Variants in DIPK1C observed in about 807,000 individuals in gnomAD.
The protein encoded by DIPK1C is familial non-conventional Alzheimer's dementia.
Under a neutral mutation model 28.0 loss-of-function variants are expected in DIPK1C, and 33 were observed. The ratio of observed to expected loss-of-function variants is 1.18; its 90% CI spans 0.89 to 1.58. The LOEUF (loss-of-function observed/expected upper bound fraction) is 1.58, where lower values mean the gene tolerates loss of function less well. DIPK1C is among the 40% of genes most tolerant of loss of function. DIPK1C has a pLI of 0.00. For synonymous variants in DIPK1C, 255 were observed against 248.8 expected (o/e 1.02, Z -0.23); for missense variants, 569 against 568.5 (o/e 1.00, Z -0.01).
At chr18:74,450,389 G>T (rs978942640) in intron 1 of DIPK1C, among the ~76,000 whole-genome samples, 4 of 152,186 alleles carry the variant, frequency 2.6e-5, no homozygotes, top group African/African-American at 9.7e-5. Context: ...GCACACAACA[G>T]GACTCCAGTG....
rs1019789518 is a variant in DIPK1C, at chr18:74,442,017, A to T, written c.976T>A (p.Cys326Ser). The change falls in exon 3 of 4, where the codon TGT becomes AGT. Residue 326 changes from cysteine to serine, a missense_variant. By Grantham distance (112) the Cys-to-Ser change is moderately radical (BLOSUM62 -1). Coordinates refer to ENST00000343998, the MANE Select transcript of DIPK1C (RefSeq NM_001044369.3). ...ACTCGTAAATCACATCTTGAAAAAC[A>T]GTCAAAGAAATTGCAGTCTTCATCT... ...TGDEDCNFFDCFSRCDLRVNK... is the reference protein window; with the variant it reads ...TGDEDCNFFDSFSRCDLRVNK... The T allele has an allele frequency of 6.2e-7, 1 of 1,614,100 alleles. No homozygotes were observed. The highest frequency in any genetic ancestry group is 8.5e-7 in the Non-Finnish European group (1 of 1,179,958).
upstream of DIPK1C, among the ~76,000 whole-genome samples, chr18:74,462,627 GTAGAATTGCTGAGTCTCA>G (rs1568268591): frequency 6.6e-6 from 1 of 151,136 alleles, no homozygotes; most frequent in Non-Finnish European, 1.5e-5. Flanking sequence ...ATTCCTAGGA[GTAGAATTGCTGAGTCTCA>G]TAGTACATAT....
chr18:74,448,159 T>C (rs1339429846), intron 1 of DIPK1C, among the ~76,000 whole-genome samples: 2 of 152,146 alleles, frequency 1.3e-5, no homozygotes, highest in African/African-American at 4.8e-5. Context: ...AAGTGCAGAA[T>C]GGAAGGAAGG....
At chr18:74,445,008 G>C (rs1192432840) in intron 2 of DIPK1C, among the ~76,000 whole-genome samples, 3 of 152,176 alleles carry the variant, frequency 2.0e-5, no homozygotes, top group Non-Finnish European at 4.4e-5. Context: ...ATCAGCCCCA[G>C]CTCCTTCGAG....
intron 1 of DIPK1C, among the ~76,000 whole-genome samples, chr18:74,451,152 G>A (rs77185103): frequency 0.012 from 1,836 of 152,278 alleles, 46 homozygotes; most frequent in African/African-American, 0.042. Context: ...AAGGGAGAGG[G>A]CAGCTGAGTC....
chr18:74,450,042 C>T (rs1986364996), intron 1 of DIPK1C, among the ~76,000 whole-genome samples: 1 of 151,964 alleles, frequency 6.6e-6, no homozygotes, highest in South Asian at 2.1e-4. Context: ...TCAGGAGAGC[C>T]CTGAGAGGTG....
At chr18:74,443,890 T>A (rs1212793394) in intron 2 of DIPK1C, among the ~76,000 whole-genome samples, 1 of 152,144 alleles carries the variant, frequency 6.6e-6, no homozygotes, top group Non-Finnish European at 1.5e-5. Context: ...TACTCAGAAT[T>A]TTAGCTTCTT....
At chr18:74,454,871 G>A (rs1421923268) in intron 1 of DIPK1C, among the ~76,000 whole-genome samples, 1 of 152,114 alleles carries the variant, frequency 6.6e-6, no homozygotes, top group African/African-American at 2.4e-5. Flanking sequence ...CGGTAGAAAA[G>A]GAAGTGGCAG....
chr18:74,449,535 G>A (rs999510052), intron 1 of DIPK1C, among the ~76,000 whole-genome samples: 27 of 152,358 alleles, frequency 1.8e-4, no homozygotes, highest in African/African-American at 5.1e-4. Flanking sequence ...ATGCCAAGCT[G>A]TCTGACTGCC....
the DIPK1C span, among the ~76,000 whole-genome samples, chr18:74,463,891 G>A: frequency 2.0e-5 from 3 of 152,156 alleles, no homozygotes; most frequent in Non-Finnish European, 4.4e-5. Context: ...AGCAGCAGAC[G>A]GAAGAAGAAG....
chr18:74,453,410 G>A (rs899788165), intron 1 of DIPK1C, among the ~76,000 whole-genome samples: 2 of 152,188 alleles, frequency 1.3e-5, no homozygotes, highest in Non-Finnish European at 2.9e-5. Flanking sequence ...CCTACTTTAG[G>A]AATGTGGCCG....
At chr18:74,456,861 G>C (rs1044896472) in intron 1 of DIPK1C, among the ~76,000 whole-genome samples, 5 of 152,314 alleles carry the variant, frequency 3.3e-5, no homozygotes, top group South Asian at 2.1e-4. Context: ...CACCCCCAGC[G>C]CGCCCACAGA....
the DIPK1C span, among the ~76,000 whole-genome samples, chr18:74,463,132 C>T: frequency 1.6e-4 from 24 of 152,236 alleles, no homozygotes; most frequent in South Asian, 8.3e-4. Context: ...TTCCAGCTCC[C>T]GGAGTACACA....
rs1170514810 is a variant in DIPK1C, at chr18:74,457,158, G to GC, written c.101dup (p.Trp35LeufsTer221). ...GCAGCAGCGCGGCCGCCAGCACCCA[G>GC]CCCGCGGTCCACGCGGCGAAGGCGA... On this transcript the variant is annotated frameshift_variant, in exon 1 of 4. Transcript: ENST00000343998. LOFTEE classifies it high-confidence loss of function. 7.2e-7 allele frequency: 1 copy of GC among 1,391,346 alleles called. No individual in the cohort carries two copies. The highest frequency in any genetic ancestry group is 3.1e-5 in the Admixed American group (1 of 31,820). 86.2% of individuals were successfully genotyped at this position (1,391,346 alleles called of 1,614,324 possible).
upstream of DIPK1C, among the ~76,000 whole-genome samples, chr18:74,458,917 C>T (rs1986575488): frequency 6.8e-6 from 1 of 147,424 alleles, no homozygotes; most frequent in African/African-American, 2.6e-5. Flanking sequence ...TGCTTGAGGC[C>T]AACAGTTTGA....
At chr18:74,461,198 A>G (rs753725732), upstream of DIPK1C, among the ~76,000 whole-genome samples, 4 of 152,124 alleles carry the variant, frequency 2.6e-5, no homozygotes, top group Non-Finnish European at 4.4e-5. Flanking sequence ...TGCAGGCCTG[A>G]GCGAGTCTCT....
chr18:74,454,527 C>T (rs1291041623), intron 1 of DIPK1C, among the ~76,000 whole-genome samples: 2 of 152,258 alleles, frequency 1.3e-5, no homozygotes, highest in East Asian at 3.8e-4. Flanking sequence ...CTCCCTTCAG[C>T]TCAGCTGGCA....
In DIPK1C at chr18:74,449,940, G is replaced by A. The variant is rs989769902; in HGVS notation, c.199-2657C>T. Among the ~76,000 whole-genome samples the A allele has an allele frequency of 1.3e-4, 20 of 152,276 alleles. 1 individual carries two copies. The highest frequency in any genetic ancestry group is 5.2e-4 in the Admixed American group (8 of 15,306). On this transcript the variant is annotated intron_variant, in intron 1 of 3. Coordinates refer to ENST00000343998, the MANE Select transcript of DIPK1C (RefSeq NM_001044369.3). ...TCATGAAAGGTGCATGGGAGGATCCGGACCCTTTGCGCCCAGCATGCTTTG... is the reference window on the plus strand; with the variant it reads ...TCATGAAAGGTGCATGGGAGGATCCAGACCCTTTGCGCCCAGCATGCTTTG...
rs968404052 is a variant in DIPK1C, at chr18:74,435,459, T to G, written c.*1042A>C. 6.6e-6 allele frequency: 1 copy of G among 152,222 alleles called. No homozygotes were observed. The highest frequency in any genetic ancestry group is 1.5e-5 in the Non-Finnish European group (1 of 68,060). The allele number at this position is 152,222 out of a possible 1,614,324, so 9.4% of individuals were successfully genotyped here. A position where few individuals can be genotyped will look rare whatever the true frequency, so the allele number is the denominator to read the frequency against. ...CACCATAGGATTTGATGCCTATCAC[T>G]TGGTCTTCAATCCATCAAAAGAAAG... On this transcript the variant is annotated 3_prime_UTR_variant, in exon 4 of 4. Transcript: ENST00000343998.
Sources: gnomAD v4.1 joint callset for allele counts (sites outside exome capture counted in the v4.1 genomes callset) on GRCh38, gnomAD v4.1.1 for gene constraint, MANE v1.5 for transcripts, NCBI Gene and HGNC (gene_info 2026-07-23, HGNC 2026-07-21) for gene names.